Variants in FOXP1 observed in about 807,000 individuals in gnomAD.
The protein encoded by FOXP1 is forkhead box protein P1.
In FOXP1, 15 loss-of-function variants were observed where a neutral mutation model predicts 98.2. The observed-to-expected ratio is 0.15, with a 90% CI of 0.10 to 0.24. FOXP1 has a LOEUF of 0.24. Ranked by LOEUF, FOXP1 falls within the 10% of genes least tolerant of loss-of-function variation. FOXP1 has a pLI of 1.00. For synonymous variants in FOXP1, 371 were observed against 314.5 expected (o/e 1.18, Z -1.90); for missense variants, 633 against 848.5 (o/e 0.75, Z 3.15).
chr3:71,064,213 T>C (rs2052016057), intron 7 of FOXP1, among the ~76,000 whole-genome samples: 1 of 152,184 alleles, frequency 6.6e-6, no homozygotes, highest in South Asian at 2.1e-4. Context: ...TTACTGTGTG[T>C]GAACTCGTCG....
intron 3 of FOXP1, among the ~76,000 whole-genome samples, chr3:71,433,413 C>T (rs996870389): frequency 1.3e-5 from 2 of 152,200 alleles, no homozygotes; most frequent in African/African-American, 4.8e-5. Context: ...TCCTGAAATG[C>T]ACGTGCAATT....
At chr3:71,137,574 C>T (rs543555260) in intron 6 of FOXP1, among the ~76,000 whole-genome samples, 180 of 152,226 alleles carry the variant, frequency 1.2e-3, no homozygotes, top group Non-Finnish European at 2.0e-3. Flanking sequence ...CTGATGCAGC[C>T]TAAAGCTTTT....
At chr3:71,297,744 T>C (rs931543666) in intron 5 of FOXP1, among the ~76,000 whole-genome samples, 3 of 151,468 alleles carry the variant, frequency 2.0e-5, no homozygotes, top group Non-Finnish European at 4.4e-5. Flanking sequence ...GCCTCCTGAG[T>C]AGCTGGGATC....
intron 2 of FOXP1, among the ~76,000 whole-genome samples, chr3:71,534,880 T>C (rs566296782): frequency 5.9e-5 from 9 of 152,342 alleles, no homozygotes; most frequent in African/African-American, 1.9e-4. Flanking sequence ...TTCCTGAATG[T>C]AACCAGCCAC....
intron 3 of FOXP1, among the ~76,000 whole-genome samples, chr3:71,384,373 C>G (rs1222399264): frequency 6.6e-6 from 1 of 152,180 alleles, no homozygotes; most frequent in Non-Finnish European, 1.5e-5. Context: ...TAATTTCTAA[C>G]TCTGAGAGAA....
intron 6 of FOXP1, among the ~76,000 whole-genome samples, chr3:71,124,693 T>G (rs1005847424): frequency 1.3e-5 from 2 of 150,412 alleles, no homozygotes; most frequent in African/African-American, 4.9e-5. Flanking sequence ...AGAGGATAAA[T>G]TATAAAGATT....
intron 11 of FOXP1, among the ~76,000 whole-genome samples, chr3:71,022,615 G>T (rs1487229746): frequency 6.6e-6 from 1 of 152,112 alleles, no homozygotes; most frequent in Non-Finnish European, 1.5e-5. Context: ...TTTACTGAGG[G>T]CCAGCACTAT....
Position 71,198,259 on chromosome 3 carries a change from C to T in FOXP1, c.123G>A (p.Thr41=), listed in dbSNP as rs201155996. 5.5e-5 allele frequency: 89 copies of T among 1,614,106 alleles called. No homozygotes were observed. The African/African-American group carries it at 8.1e-4, about 15-fold the overall frequency. The change falls in exon 6 of 21, where the codon ACG becomes ACA. Residue 41 remains threonine, a synonymous_variant. Coordinates refer to ENST00000649528, the MANE Select transcript of FOXP1 (RefSeq NM_001349338.3). The part of the protein sequence containing the change: ...GLREGRSNGE[T]PAVDIGAADL... ...CAGCTGCCCCGATGTCCACGGCCGGCGTCTCTCCGTTGGACCGCCCCTCCC... is the reference window on the plus strand; with the variant it reads ...CAGCTGCCCCGATGTCCACGGCCGGTGTCTCTCCGTTGGACCGCCCCTCCC...
chr3:71,561,635 C>G (rs559448611), intron 2 of FOXP1, among the ~76,000 whole-genome samples: 1 of 152,300 alleles, frequency 6.6e-6, no homozygotes, highest in African/African-American at 2.4e-5. Flanking sequence ...ACATATAAAA[C>G]ATTACAACAG....
rs143039736 is a variant in FOXP1 at position 71,357,076 on chromosome 3, G to A, written c.-73+2074C>T. 2.8e-3 allele frequency among the ~76,000 whole-genome samples: 429 copies of A among 152,184 alleles called. 4 individuals are homozygous for A. The highest frequency in any genetic ancestry group is 0.017 in the South Asian group (83 of 4,808). ...AAGGTAGGATGGAGAGTTCTGTCCC[G>A]TCCTTGAGTCTACATAAGAACAGAG... On this transcript the variant is annotated intron_variant, in intron 4 of 20. Coordinates refer to ENST00000649528, the MANE Select transcript of FOXP1 (RefSeq NM_001349338.3).
intron 2 of FOXP1, among the ~76,000 whole-genome samples, chr3:71,511,260 A>G (rs754665597): frequency 5.3e-5 from 8 of 152,152 alleles, no homozygotes; most frequent in Non-Finnish European, 1.0e-4. Context: ...GACTGTGAAA[A>G]TAAGCTTCAA....
intron 3 of FOXP1, among the ~76,000 whole-genome samples, chr3:71,441,604 G>A (rs2085950201): frequency 6.6e-6 from 1 of 152,222 alleles, no homozygotes; most frequent in Non-Finnish European, 1.5e-5. Flanking sequence ...CATTTGGAGA[G>A]GTTGAGGAAT....
intron 2 of FOXP1, among the ~76,000 whole-genome samples, chr3:71,536,887 G>A (rs2044340387): frequency 1.3e-5 from 2 of 152,080 alleles, no homozygotes; most frequent in Non-Finnish European, 2.9e-5. Flanking sequence ...TTCCCCAGTG[G>A]CAACACATGT....
chr3:71,194,061 C>T (rs1453268226), intron 6 of FOXP1, among the ~76,000 whole-genome samples: 3 of 152,156 alleles, frequency 2.0e-5, no homozygotes, highest in Admixed American at 6.5e-5. Flanking sequence ...AAAGAAGCCA[C>T]GGGAAGTAAA....
intron 2 of FOXP1, among the ~76,000 whole-genome samples, chr3:71,494,031 CA>C (rs1560563362): frequency 6.6e-6 from 1 of 152,120 alleles, no homozygotes; most frequent in Admixed American, 6.5e-5. Flanking sequence ...AGGTAATCAT[CA>C]TTTTTTTCTC....
chr3:71,200,892 C>T (rs1560106781), intron 5 of FOXP1, among the ~76,000 whole-genome samples: 1 of 152,210 alleles, frequency 6.6e-6, no homozygotes, highest in East Asian at 1.9e-4. Context: ...GAAAAATTCA[C>T]ATGTTTCTTC....
At chr3:71,291,984 C>A (rs185586568) in intron 5 of FOXP1, among the ~76,000 whole-genome samples, 1 of 152,026 alleles carries the variant, frequency 6.6e-6, no homozygotes, top group African/African-American at 2.4e-5. Context: ...GGATTACAGG[C>A]CTGAGCGACT....
At chr3:71,571,952 C>T (rs1340282006) in intron 2 of FOXP1, 1 of 152,166 alleles carries the variant, frequency 6.6e-6, no homozygotes, top group African/African-American at 2.4e-5. Context: ...CGATTTTCAT[C>T]TAAGTATATC....
At position 71,518,589 on chromosome 3, in the gene FOXP1, T is replaced by C. The variant is rs1351009632; in HGVS notation, c.-297-25034A>G. Among the ~76,000 whole-genome samples the C allele has an allele frequency of 4.6e-5, 7 of 152,310 alleles. No homozygotes were observed. In the South Asian group the frequency reaches 1.2e-3, roughly 27 times the overall value. Reference sequence around the variant, plus strand: ...ACAGGTCCATACAATTTTACTTACATGACCCTTGCTCTTTTCTCAAGTTGG... The same window carrying C: ...ACAGGTCCATACAATTTTACTTACACGACCCTTGCTCTTTTCTCAAGTTGG... On this transcript the variant is annotated intron_variant, in intron 2 of 20. Coordinates refer to ENST00000649528, the MANE Select transcript of FOXP1 (RefSeq NM_001349338.3).
Sources: gnomAD v4.1 joint callset for allele counts (sites outside exome capture counted in the v4.1 genomes callset) on GRCh38, gnomAD v4.1.1 for gene constraint, MANE v1.5 for transcripts, NCBI Gene and HGNC (gene_info 2026-07-23, HGNC 2026-07-21) for gene names.